Variants in CHST11 observed in about 807,000 individuals in gnomAD.
CHST11 encodes the protein C4S-1.
In CHST11, 9 loss-of-function variants were observed where a neutral mutation model predicts 30.4. The ratio of observed to expected loss-of-function variants is 0.30; its 90% CI spans 0.18 to 0.52. The LOEUF (loss-of-function observed/expected upper bound fraction) is 0.52, where lower values mean the gene tolerates loss of function less well. CHST11 is among the 20% of genes least tolerant of loss of function. The probability of loss-of-function intolerance (pLI) is 0.97; values close to 1 mark genes in which losing one functional copy is unlikely to be tolerated. For synonymous variants in CHST11, 152 were observed against 187.8 expected (o/e 0.81, Z 1.56); for missense variants, 348 against 460.6 (o/e 0.76, Z 2.24).
chr12:104,462,655 T>C (rs1190039494), intron 1 of CHST11, among the ~76,000 whole-genome samples: 1 of 152,170 alleles, frequency 6.6e-6, no homozygotes, highest in African/African-American at 2.4e-5. Flanking sequence ...GAAACTTCCA[T>C]TGAAAAGGTG....
intron 2 of CHST11, among the ~76,000 whole-genome samples, chr12:104,634,478 C>T (rs1164764): frequency 0.27 from 41,610 of 152,064 alleles, 5,826 homozygotes; most frequent in African/African-American, 0.31. Flanking sequence ...CCCTGAAGAA[C>T]TCCAGGGCCC....
At chr12:104,740,210 C>T (rs891013169) in intron 2 of CHST11, among the ~76,000 whole-genome samples, 2 of 152,182 alleles carry the variant, frequency 1.3e-5, no homozygotes, top group South Asian at 2.1e-4. Flanking sequence ...ACCTATCCCA[C>T]GTTCCCTATT....
Position 104,757,092 on chromosome 12 carries a change from C to G in CHST11, c.348C>G (p.His116Gln), listed in dbSNP as rs764239451. 4 of 1,613,988 alleles carry G rather than the reference C, an allele frequency of 2.5e-6. No individual in the cohort carries two copies. The highest frequency in any genetic ancestry group is 3.4e-6 in the Non-Finnish European group (4 of 1,180,036). ...DLKHLVVDEDHELIYCYVPKV... is the reference protein window; with the variant it reads ...DLKHLVVDEDQELIYCYVPKV... ...AGCACTTGGTGGTGGATGAGGACCA[C>G]GAGCTCATCTACTGCTACGTGCCCA... Residue 116 changes from histidine (H) to glutamine (Q), a missense_variant, in exon 3 of 3, where the codon CAC becomes CAG. Physicochemically the swap from His to Gln is conservative, Grantham distance 24. Around this residue, in one of 3 missense-constraint regions of CHST11, gnomAD observed 135 missense variants for 155.8 expected, o/e 0.87. Coordinates refer to ENST00000303694, the MANE Select transcript of CHST11 (RefSeq NM_018413.6). The surrounding 1 kb of genome is among the most constrained non-coding windows in gnomAD (Gnocchi z 6.5).
At chr12:104,506,870 G>A (rs1207222076) in intron 1 of CHST11, among the ~76,000 whole-genome samples, 1 of 152,222 alleles carries the variant, frequency 6.6e-6, no homozygotes, top group Non-Finnish European at 1.5e-5. Context: ...ACAGCTGGCT[G>A]TCAGAACAGT....
At chr12:104,468,462 C>T (rs902495359) in intron 1 of CHST11, among the ~76,000 whole-genome samples, 9 of 152,136 alleles carry the variant, frequency 5.9e-5, no homozygotes, top group Admixed American at 5.2e-4. Flanking sequence ...GGAATAAAAA[C>T]CAAACCCGGC....
intron 2 of CHST11, among the ~76,000 whole-genome samples, chr12:104,625,351 C>G (rs374789802): frequency 2.1e-4 from 32 of 152,288 alleles, no homozygotes; most frequent in Middle Eastern, 6.8e-3. Flanking sequence ...GTCGCCCAGG[C>G]TGGAGTACAA....
chr12:104,720,803 A>G (rs982853024), intron 2 of CHST11, among the ~76,000 whole-genome samples: 2 of 152,236 alleles, frequency 1.3e-5, no homozygotes, highest in Non-Finnish European at 2.9e-5. Context: ...TCACAAAAAC[A>G]GGAAATGTCG....
intron 1 of CHST11, among the ~76,000 whole-genome samples, chr12:104,595,426 C>T (rs1168546356): frequency 6.6e-6 from 1 of 152,186 alleles, no homozygotes; most frequent in African/African-American, 2.4e-5. Context: ...ACCCACCACA[C>T]CTTCCACCTT....
chr12:104,573,824 C>G (rs2038654564), intron 1 of CHST11, among the ~76,000 whole-genome samples: 2 of 152,070 alleles, frequency 1.3e-5, no homozygotes, highest in Non-Finnish European at 2.9e-5. Context: ...TCTAAAACAC[C>G]AAAAGCAATG....
intron 1 of CHST11, among the ~76,000 whole-genome samples, chr12:104,473,830 C>T (rs114765526): frequency 0.023 from 3,437 of 152,032 alleles, 142 homozygotes; most frequent in African/African-American, 0.078. Context: ...TGACGCCTGT[C>T]GATGAATAAT....
intron 2 of CHST11, among the ~76,000 whole-genome samples, chr12:104,658,501 C>T (rs748204784): frequency 1.6e-4 from 24 of 152,212 alleles, no homozygotes; most frequent in Admixed American, 4.6e-4. Flanking sequence ...ACTGTCTGAA[C>T]GACTGGGGGT....
intron 2 of CHST11, among the ~76,000 whole-genome samples, chr12:104,609,656 C>G (rs1311694305): frequency 6.6e-6 from 1 of 152,138 alleles, no homozygotes; most frequent in African/African-American, 2.4e-5. Flanking sequence ...CCTGTTCAAG[C>G]CTTGGTTATC....
chr12:104,468,826 T>C (rs1221086583), intron 1 of CHST11, among the ~76,000 whole-genome samples: 1 of 152,144 alleles, frequency 6.6e-6, no homozygotes, highest in Non-Finnish European at 1.5e-5. Flanking sequence ...CAAGTGAAGG[T>C]AGTAATGTTA....
chr12:104,635,321 A>C (rs372614087), intron 2 of CHST11, among the ~76,000 whole-genome samples: 2 of 152,334 alleles, frequency 1.3e-5, no homozygotes, highest in East Asian at 3.9e-4. Context: ...ACATTTTTAC[A>C]CTTACTTGAT....
chr12:104,608,469 C>T (rs866844609), intron 2 of CHST11, among the ~76,000 whole-genome samples: 1 of 152,106 alleles, frequency 6.6e-6, no homozygotes, highest in South Asian at 2.1e-4. Flanking sequence ...CTTGAGCACA[C>T]GGCACAAGCA....
intron 2 of CHST11, among the ~76,000 whole-genome samples, chr12:104,707,845 C>T (rs570929006): frequency 6.6e-6 from 1 of 152,320 alleles, no homozygotes; most frequent in East Asian, 1.9e-4. Context: ...TCCATACATT[C>T]AAACACACAC....
At chr12:104,726,344 C>T (rs980658199) in intron 2 of CHST11, among the ~76,000 whole-genome samples, 4 of 152,152 alleles carry the variant, frequency 2.6e-5, no homozygotes, top group Admixed American at 6.5e-5. Context: ...GCAGAGTCCA[C>T]GCTTGAAGCA....
chr12:104,566,930 A>T (rs2038572945), intron 1 of CHST11, among the ~76,000 whole-genome samples: 1 of 152,088 alleles, frequency 6.6e-6, no homozygotes. Flanking sequence ...CAGAGACTTA[A>T]GTATCTAGTG....
intron 1 of CHST11, among the ~76,000 whole-genome samples, chr12:104,540,592 C>T (rs1013123021): frequency 6.6e-5 from 10 of 152,214 alleles, no homozygotes; most frequent in Non-Finnish European, 8.8e-5. Flanking sequence ...CTCCTGTACT[C>T]CTCCACCCTC....
Sources: allele counts gnomAD v4.1 joint callset (sites outside exome capture counted in the v4.1 genomes callset), GRCh38; gene constraint gnomAD v4.1.1; regional missense constraint gnomAD v4.1.1; non-coding constraint Gnocchi (gnomAD v3.1); transcripts MANE v1.5; gene names NCBI Gene and HGNC (gene_info 2026-07-23, HGNC 2026-07-21).